Variants in HEPH observed in about 807,000 individuals in gnomAD.
HEPH encodes hephaestin.
Under a neutral mutation model 80.8 loss-of-function variants are expected in HEPH, and 69 were observed. The ratio of observed to expected loss-of-function variants is 0.85; its 90% confidence interval spans 0.70 to 1.04. The LOEUF (loss-of-function observed/expected upper bound fraction) is 1.04, where lower values mean the gene tolerates loss of function less well. Ranked by LOEUF, HEPH falls within the 50% of genes least tolerant of loss-of-function variation. The pLI, the probability that HEPH is intolerant of heterozygous loss-of-function variation, is 0.00. For synonymous variants in HEPH, 431 were observed against 322.8 expected (o/e 1.34, Z -3.60); for missense variants, 1,115 against 891.3 (o/e 1.25, Z -3.20).
rs766770729 is a variant in HEPH, at chrX:66,188,404, A to G, written c.671A>G (p.His224Arg). The change falls in exon 5 of 21, where the codon CAT (histidine) becomes CGT (arginine). Residue 224 changes from histidine to arginine, a missense_variant. By Grantham distance (29) the His-to-Arg change is conservative. Coordinates refer to ENST00000343002, the MANE Select transcript of HEPH (RefSeq NM_001367233.3). Reference sequence around the variant, plus strand: ...CCTCCTCAACGCCAGGATGTAGACCATGATTTCTTCCTCCTCTTCAGTGTG... The same window carrying G: ...CCTCCTCAACGCCAGGATGTAGACCGTGATTTCTTCCTCCTCTTCAGTGTG... ...NSPPQRQDVD[H>R]DFFLLFSVVD... 3.2e-5 allele frequency: 39 copies of G among 1,202,259 alleles called. No homozygotes were observed. The Admixed American group carries it at 8.0e-4, about 25-fold the overall frequency.
At chrX:66,217,297 C>T (rs1348594521) in intron 15 of HEPH, among the ~76,000 whole-genome samples, 3 of 111,159 alleles carry the variant, frequency 2.7e-5, no homozygotes, top group Non-Finnish European at 5.7e-5. Context: ...CACCAGGTAA[C>T]ATATAAAGGA....
intron 1 of HEPH, among the ~76,000 whole-genome samples, chrX:66,165,764 T>C (rs985487923): frequency 8.9e-6 from 1 of 111,939 alleles, no homozygotes; most frequent in Non-Finnish European, 1.9e-5. Flanking sequence ...TTTTTCTTTC[T>C]TTTTTCCTTC....
chrX:66,236,706 C>A (rs1169370460), intron 15 of HEPH, among the ~76,000 whole-genome samples: 1 of 111,074 alleles, frequency 9.0e-6, no homozygotes, highest in Non-Finnish European at 1.9e-5. Flanking sequence ...TCTTTGTACA[C>A]CTTGTAGAAT....
chrX:66,250,924 C>A (rs1164664445), intron 15 of HEPH, among the ~76,000 whole-genome samples: 7 of 112,195 alleles, frequency 6.2e-5, no homozygotes, highest in Non-Finnish European at 1.1e-4. Context: ...CGCTCTGTCA[C>A]TTAGGCTGGA....
intron 15 of HEPH, among the ~76,000 whole-genome samples, chrX:66,238,774 A>G (rs891539940): frequency 3.6e-5 from 4 of 111,891 alleles, no homozygotes; most frequent in Non-Finnish European, 7.5e-5. Flanking sequence ...CAGAGCTGAG[A>G]GCCCCAAACA....
chrX:66,211,740 C>G (rs1319442434), intron 15 of HEPH, among the ~76,000 whole-genome samples: 1 of 111,633 alleles, frequency 9.0e-6, no homozygotes, highest in Non-Finnish European at 1.9e-5. Context: ...CCATTCATCC[C>G]TTGATGAACA....
At chrX:66,255,863 A>G (rs1188510263) in intron 16 of HEPH, among the ~76,000 whole-genome samples, 1 of 112,199 alleles carries the variant, frequency 8.9e-6, no homozygotes, top group Non-Finnish European at 1.9e-5. Context: ...TGGTAGGCTA[A>G]GAGATCAATA....
At chrX:66,248,809 T>G (rs2090906846) in intron 15 of HEPH, among the ~76,000 whole-genome samples, 1 of 112,111 alleles carries the variant, frequency 8.9e-6, no homozygotes. Context: ...AGTAATCGGC[T>G]TCAGTACTAT....
rs773484125 is a variant in HEPH at position 66,259,004 on chromosome X, C to T, written c.3036+25C>T. 2.5e-6 allele frequency: 3 copies of T among 1,182,129 alleles called. No homozygotes were observed. The Admixed American group carries it at 7.2e-5, about 28-fold the overall frequency. Reference sequence around the variant, plus strand: ...GGTGAGCTGGAAAATGGGCTGAGTCCCTCAAGGATGATTAGAACAGTGGTT... The same window carrying T: ...GGTGAGCTGGAAAATGGGCTGAGTCTCTCAAGGATGATTAGAACAGTGGTT... On this transcript the variant is annotated intron_variant, in intron 18 of 20. Transcript: ENST00000343002.
intron 19 of HEPH, among the ~76,000 whole-genome samples, chrX:66,261,705 T>A (rs2091370729): frequency 8.9e-6 from 1 of 111,743 alleles, no homozygotes; most frequent in Non-Finnish European, 1.9e-5. Flanking sequence ...AGAATACAAC[T>A]CTTCTGTTTA....
rs112693783 is a variant in HEPH at position 66,246,964 on chromosome X, T to C, written c.2564-8071T>C. Among the ~76,000 whole-genome samples, 937 of 112,203 alleles carry C rather than the reference T, an allele frequency of 8.4e-3. 16 individuals are homozygous for C. The highest frequency in any genetic ancestry group is 0.029 in the African/African-American group (905 of 30,921). ...AAATATAGAATTCTTTATTGACGAG[T>C]ATTTTTTTCTTTCAGCACTTTAAAT... is the stretch of plus-strand genomic sequence containing the variant. On this transcript the variant is annotated intron_variant, in intron 15 of 20. Coordinates refer to ENST00000343002, the MANE Select transcript of HEPH (RefSeq NM_001367233.3).
intron 4 of HEPH, among the ~76,000 whole-genome samples, chrX:66,177,940 T>G (rs1008310034): frequency 1.2e-5 from 1 of 85,950 alleles, no homozygotes; most frequent in Non-Finnish European, 2.1e-5. Context: ...GTCAATCAGA[T>G]TGAAGAATTT....
intron 15 of HEPH, among the ~76,000 whole-genome samples, chrX:66,219,158 C>T (rs1254113847): frequency 8.9e-6 from 1 of 111,828 alleles, no homozygotes; most frequent in East Asian, 2.8e-4. Flanking sequence ...AGCAATGAAG[C>T]TTTTTATCAT....
At chrX:66,252,860 A>C (rs1225791451) in intron 15 of HEPH, among the ~76,000 whole-genome samples, 2 of 112,376 alleles carry the variant, frequency 1.8e-5, no homozygotes, top group Non-Finnish European at 3.8e-5. Flanking sequence ...GGAAAAAAAT[A>C]GTCTTTTCAA....
chrX:66,209,751 A>G lies in HEPH; in HGVS notation c.2563+1505A>G, dbSNP rs1472286611. Among the ~76,000 whole-genome samples the G allele has an allele frequency of 7.1e-5, 8 of 112,012 alleles. No individual in the cohort carries two copies. The East Asian group carries it at 2.2e-3, about 31-fold the overall frequency. ...AAATAATACCCAGTTTTTGATTTGG[A>G]CAACCAGGAAAATAGTGATGCCATT... On this transcript the variant is annotated intron_variant, in intron 15 of 20. Transcript: ENST00000343002.
Position 66,188,531 on chromosome X carries a change from T to C in HEPH, c.798T>C (p.Asn266=). 8.3e-7 allele frequency: 1 copy of C among 1,206,493 alleles called. No individual in the cohort carries two copies. Among genetic ancestry groups the C allele is most frequent in the Non-Finnish European group, 1.1e-6 (1 of 892,408 alleles). Residue 266 remains asparagine, a synonymous_variant, in exon 5 of 21, where the codon AAT becomes AAC. Coordinates refer to ENST00000343002, the MANE Select transcript of HEPH (RefSeq NM_001367233.3). The part of the protein sequence containing the change: ...DKEDETFQES[N]RMHAINGFVF... ...AAGATGAGACATTTCAGGAGAGCAA[T>C]AGGATGCATGGTGAGTTGGGAAAAG... is the stretch of plus-strand genomic sequence containing the variant.
chrX:66,189,993 C>A, intron 6 of HEPH, 55 bp downstream of exon 6: 4 of 1,103,769 alleles, frequency 3.6e-6, no homozygotes, highest in Non-Finnish European at 4.8e-6. Flanking sequence ...TGATAATGGT[C>A]AAGGGAGGCT....
chrX:66,189,475 C>A (rs186016425), intron 5 of HEPH, among the ~76,000 whole-genome samples: 1 of 111,011 alleles, frequency 9.0e-6, no homozygotes, highest in Non-Finnish European at 1.9e-5. Context: ...TCTTGGTTTT[C>A]TCTCTCTCTC....
intron 18 of HEPH, 150 bp downstream of exon 18, chrX:66,259,129 T>C: frequency 1.7e-6 from 1 of 601,448 alleles, no homozygotes; most frequent in South Asian, 4.9e-5. Flanking sequence ...AATTCTAGTC[T>C]GGCTGTATAT....
Sources: gnomAD v4.1 joint callset for allele counts (sites outside exome capture counted in the v4.1 genomes callset) on GRCh38, gnomAD v4.1.1 for gene constraint, MANE v1.5 for transcripts, NCBI Gene and HGNC (gene_info 2026-07-23, HGNC 2026-07-21) for gene names.